CACNA2D3: variants seen among roughly 807,000 people sequenced by gnomAD.
CACNA2D3 encodes calcium voltage-gated channel auxiliary subunit alpha2delta 3.
A neutral mutation model predicts 160.6 loss-of-function variants in CACNA2D3; 60 were observed. The observed-to-expected ratio is 0.37, with a 90% confidence interval of 0.30 to 0.46. The LOEUF (loss-of-function observed/expected upper bound fraction) is 0.46, where lower values mean the gene tolerates loss of function less well. Among genes scored for constraint, CACNA2D3 ranks in the 20% least tolerant of loss-of-function variants. The probability of loss-of-function intolerance (pLI) is 1.00; values close to 1 mark genes in which losing one functional copy is unlikely to be tolerated. For synonymous variants in CACNA2D3, 558 were observed against 492.9 expected (o/e 1.13, Z -1.75); for missense variants, 1,205 against 1,365.0 (o/e 0.88, Z 1.85).
chr3:54,404,746 A>G (rs1004090858), intron 4 of CACNA2D3, among the ~76,000 whole-genome samples: 1 of 152,128 alleles, frequency 6.6e-6, no homozygotes, highest in Non-Finnish European at 1.5e-5. Flanking sequence ...AGACTCCACC[A>G]AAAAGCTGTT....
chr3:54,721,334 A>G (rs575451990), intron 11 of CACNA2D3, among the ~76,000 whole-genome samples: 18 of 152,268 alleles, frequency 1.2e-4, no homozygotes, highest in African/African-American at 4.1e-4. Context: ...ATCATTTTTC[A>G]TCTGCCTGAA....
chr3:54,822,787 T>TTTCTTTCCTTCC (rs1553874250), intron 14 of CACNA2D3, among the ~76,000 whole-genome samples: 2 of 70,650 alleles, frequency 2.8e-5, no homozygotes, highest in Non-Finnish European at 5.6e-5. Context: ...TCTTTCTTTC[T>TTTCTTTCCTTCC]TTCCTTTCTT....
intron 2 of CACNA2D3, among the ~76,000 whole-genome samples, chr3:54,165,291 A>C (rs1029724401): frequency 1.1e-4 from 17 of 152,064 alleles, no homozygotes; most frequent in African/African-American, 4.1e-4. Context: ...GTATTTCTCC[A>C]TGTCCCTATG....
Position 54,681,200 on chromosome 3 carries a change from A to G in CACNA2D3, c.1167+38959A>G, listed in dbSNP as rs568295026. ...ACTTGTGACCATATCTCTCAAGTCTATTATACCATGTCATCATGGTATACT... is the reference window on the plus strand; with the variant it reads ...ACTTGTGACCATATCTCTCAAGTCTGTTATACCATGTCATCATGGTATACT... On this transcript the variant is annotated intron_variant, in intron 11 of 37. Transcript: ENST00000474759. Among the ~76,000 whole-genome samples the G allele has an allele frequency of 1.7e-3, 265 of 151,990 alleles. 2 individuals carry two copies. The highest frequency in any genetic ancestry group is 5.8e-3 in the African/African-American group (242 of 41,446).
intron 2 of CACNA2D3, among the ~76,000 whole-genome samples, chr3:54,138,920 G>T (rs531030891): frequency 6.6e-6 from 1 of 152,308 alleles, no homozygotes; most frequent in East Asian, 1.9e-4. Context: ...CTGGTTTTCT[G>T]TATTTGGATC....
chr3:54,888,535 A>G (rs1416214014), intron 24 of CACNA2D3, among the ~76,000 whole-genome samples: 3 of 152,168 alleles, frequency 2.0e-5, no homozygotes, highest in Admixed American at 6.5e-5. Context: ...AAAGACTAGG[A>G]TGAGAACTGC....
intron 3 of CACNA2D3, among the ~76,000 whole-genome samples, chr3:54,326,866 A>T (rs1704131009): frequency 6.6e-6 from 1 of 152,210 alleles, no homozygotes; most frequent in Non-Finnish European, 1.5e-5. Context: ...AGAAAAAAAT[A>T]ATGTTTTCTG....
chr3:54,426,352 T>A (rs1218895560), intron 4 of CACNA2D3, among the ~76,000 whole-genome samples: 1 of 152,212 alleles, frequency 6.6e-6, no homozygotes, highest in African/African-American at 2.4e-5. Context: ...CCGTCTTTGT[T>A]ATAAACTGCA....
At chr3:54,896,380 A>G (rs1700189240) in intron 25 of CACNA2D3, among the ~76,000 whole-genome samples, 2 of 152,202 alleles carry the variant, frequency 1.3e-5, no homozygotes, top group Non-Finnish European at 2.9e-5. Context: ...TCCCAAGGGT[A>G]TGAGTATATG....
intron 3 of CACNA2D3, among the ~76,000 whole-genome samples, chr3:54,343,347 A>G (rs1416456970): frequency 1.3e-5 from 2 of 152,104 alleles, no homozygotes; most frequent in African/African-American, 4.8e-5. Context: ...GCTGGAGTAT[A>G]GTGGCACCAT....
chr3:54,146,061 ATTG>A (rs1186169442), intron 2 of CACNA2D3, among the ~76,000 whole-genome samples: 2 of 151,706 alleles, frequency 1.3e-5, no homozygotes, highest in Admixed American at 6.6e-5. Context: ...TATGGTTGTT[ATTG>A]TTGTTGTTAT....
At chr3:54,678,754 A>ATGATAAAG (rs1265869872) in intron 11 of CACNA2D3, among the ~76,000 whole-genome samples, 6 of 144,700 alleles carry the variant, frequency 4.1e-5, no homozygotes, top group Non-Finnish European at 9.1e-5. Context: ...AAAAAAGTTG[A>ATGATAAAG]TGATCAAGTT....
intron 4 of CACNA2D3, among the ~76,000 whole-genome samples, chr3:54,425,501 A>G (rs779177604): frequency 1.3e-5 from 2 of 152,242 alleles, no homozygotes; most frequent in Non-Finnish European, 2.9e-5. Flanking sequence ...TTGTTTAAGC[A>G]TCTTCCCACT....
chr3:54,949,190 G>T (rs1276096350), intron 27 of CACNA2D3, among the ~76,000 whole-genome samples: 1 of 152,114 alleles, frequency 6.6e-6, no homozygotes, highest in Non-Finnish European at 1.5e-5. Flanking sequence ...TATAGTTTTG[G>T]TCAGTGCCTA....
chr3:54,576,698 A>ATGTTATGTT (rs1702587828), intron 8 of CACNA2D3, among the ~76,000 whole-genome samples: 1 of 152,046 alleles, frequency 6.6e-6, no homozygotes, highest in African/African-American at 2.4e-5. Flanking sequence ...TTATTTTTGG[A>ATGTTATGTT]GGGACTGTTG....
intron 9 of CACNA2D3, among the ~76,000 whole-genome samples, chr3:54,596,609 G>A (rs926211824): frequency 6.6e-6 from 1 of 151,874 alleles, no homozygotes; most frequent in Non-Finnish European, 1.5e-5. Context: ...TACGCCTTTT[G>A]CTTGTGGGTT....
intron 4 of CACNA2D3, among the ~76,000 whole-genome samples, chr3:54,475,461 A>G (rs1575477768): frequency 6.6e-6 from 1 of 152,308 alleles, no homozygotes; most frequent in East Asian, 1.9e-4. Context: ...TTTGGTACTG[A>G]ATTCCATTTA....
chr3:54,861,255 G>T lies in CACNA2D3; in HGVS notation c.1627-10284G>T, dbSNP rs530788421. Among the ~76,000 whole-genome samples the T allele has an allele frequency of 1.7e-4, 26 of 152,252 alleles. No individual in the cohort carries two copies. In the East Asian group the frequency reaches 5.0e-3, roughly 29 times the overall value. On this transcript the variant is annotated intron_variant, in intron 17 of 37. Transcript: ENST00000474759. Reference sequence around the variant, plus strand: ...AGGTCAGGACAGACCTCCAAGAGGAGTTGAAATCCTGAGGGGTTAGCAGAA... The same window carrying T: ...AGGTCAGGACAGACCTCCAAGAGGATTTGAAATCCTGAGGGGTTAGCAGAA...
intron 35 of CACNA2D3, among the ~76,000 whole-genome samples, chr3:55,067,448 T>G (rs1341946511): frequency 6.6e-6 from 1 of 152,228 alleles, no homozygotes; most frequent in Non-Finnish European, 1.5e-5. Flanking sequence ...TAATTTTATC[T>G]TATTCATATA....
Sources: gnomAD v4.1 joint callset for allele counts (sites outside exome capture counted in the v4.1 genomes callset) on GRCh38, gnomAD v4.1.1 for gene constraint, MANE v1.5 for transcripts, NCBI Gene and HGNC (gene_info 2026-07-23, HGNC 2026-07-21) for gene names.